CTPS2: variants seen among roughly 807,000 people sequenced by gnomAD.
CTPS2 encodes the protein CTP synthase II.
A neutral mutation model predicts 46.8 loss-of-function variants in CTPS2; 19 were observed. The observed-to-expected ratio is 0.41, with a 90% CI of 0.28 to 0.60. The LOEUF is 0.60. CTPS2 is among the 20% of genes least tolerant of loss of function. The pLI is 0.35. For missense variants in CTPS2, 286 were observed against 447.6 expected (o/e 0.64, Z 3.26); for synonymous variants, 151 against 165.2 (o/e 0.91, Z 0.66).
chrX:16,599,482 T>C (rs1482921683), intron 17 of CTPS2, among the ~76,000 whole-genome samples: 6 of 104,624 alleles, frequency 5.7e-5, no homozygotes, highest in Non-Finnish European at 7.8e-5. Context: ...TTTTCTTTTT[T>C]TTTTTTTTTT....
At chrX:16,659,665 A>T (rs1333354031) in intron 13 of CTPS2, among the ~76,000 whole-genome samples, 1 of 111,194 alleles carries the variant, frequency 9.0e-6, no homozygotes, top group Non-Finnish European at 1.9e-5. Context: ...GTACAACAAG[A>T]TGTTTTCATC....
intron 13 of CTPS2, chrX:16,650,205 T>C (rs998626710): frequency 8.9e-6 from 1 of 111,997 alleles, no homozygotes; most frequent in African/African-American, 3.2e-5. Flanking sequence ...GGCAACCAGG[T>C]TAGTGTGATT....
intron 1 of CTPS2, among the ~76,000 whole-genome samples, chrX:16,706,848 C>T (rs1258245730): frequency 4.7e-5 from 5 of 105,277 alleles, no homozygotes; most frequent in South Asian, 4.3e-4. Context: ...GTGACAAGAG[C>T]GAAACTCTGT....
chrX:16,664,102 C>T (rs1044232295), intron 13 of CTPS2, among the ~76,000 whole-genome samples: 2 of 112,042 alleles, frequency 1.8e-5, no homozygotes, highest in African/African-American at 6.5e-5. Context: ...TCCCAAAGTG[C>T]TGGGATTATA....
intron 17 of CTPS2, among the ~76,000 whole-genome samples, chrX:16,603,932 C>A (rs185847421): frequency 9.0e-6 from 1 of 111,395 alleles, no homozygotes; most frequent in Admixed American, 9.6e-5. Flanking sequence ...GAGGGAAGGG[C>A]TAAGCACAGA....
At chrX:16,664,273 G>C (rs1379469503) in intron 13 of CTPS2, among the ~76,000 whole-genome samples, 1 of 112,285 alleles carries the variant, frequency 8.9e-6, no homozygotes, top group Admixed American at 9.5e-5. Context: ...TCTTAGAAAA[G>C]AAAACCCATA....
Position 16,703,839 on chromosome X carries a change from A to G in CTPS2, c.-39-898T>C, listed in dbSNP as rs1252149343. 2.7e-5 allele frequency among the ~76,000 whole-genome samples: 3 copies of G among 111,568 alleles called. No homozygotes were observed. The Admixed American group carries it at 2.9e-4, about 11-fold the overall frequency. On this transcript the variant is annotated intron_variant, in intron 1 of 18. Transcript: ENST00000359276. ...GCAACAAACTTCATCATGATAAACC[A>G]AATTTCTCTAGGATTCACAGGCATG...
intron 14 of CTPS2, among the ~76,000 whole-genome samples, chrX:16,627,656 C>G (rs1439253855): frequency 8.9e-6 from 1 of 111,757 alleles, no homozygotes; most frequent in Non-Finnish European, 1.9e-5. Flanking sequence ...ATTTCTCACA[C>G]CTGCCTGTCT....
rs556298776 is a variant in CTPS2 at position 16,634,982 on chromosome X, T to C, written c.1393+4165A>G. 1.4e-4 allele frequency among the ~76,000 whole-genome samples: 15 copies of C among 109,476 alleles called. No individual in the cohort carries two copies. In the South Asian group the frequency reaches 5.1e-3, roughly 38 times the overall value. ...GAAAAAAAAAAAAAAAGGCTCACTCTAGTCATCCATCCACTGCGGCTATCA... is the reference window on the plus strand; with the variant it reads ...GAAAAAAAAAAAAAAAGGCTCACTCCAGTCATCCATCCACTGCGGCTATCA... On this transcript the variant is annotated intron_variant, in intron 14 of 18. Coordinates refer to ENST00000359276, the MANE Select transcript of CTPS2 (RefSeq NM_175859.3).
intron 8 of CTPS2, among the ~76,000 whole-genome samples, chrX:16,686,807 G>T (rs926140051): frequency 1.8e-5 from 2 of 111,563 alleles, no homozygotes; most frequent in African/African-American, 6.5e-5. Context: ...GGGAGGCTGA[G>T]GCAGGAGGAT....
chrX:16,687,412 C>T (rs753629900), intron 8 of CTPS2, among the ~76,000 whole-genome samples: 1 of 96,228 alleles, frequency 1.0e-5, no homozygotes, highest in Non-Finnish European at 2.0e-5. Flanking sequence ...GAGGTCGAGG[C>T]TGCAGTGAGC....
At chrX:16,621,960 G>A (rs1201993912) in intron 14 of CTPS2, among the ~76,000 whole-genome samples, 1 of 111,219 alleles carries the variant, frequency 9.0e-6, no homozygotes, top group African/African-American at 3.3e-5. Context: ...AGAAAAAAGG[G>A]GAATAGTGGG....
chrX:16,603,155 A>C (rs1394707948), intron 17 of CTPS2, among the ~76,000 whole-genome samples: 5 of 111,636 alleles, frequency 4.5e-5, no homozygotes, highest in Admixed American at 1.9e-4. Flanking sequence ...GGTGGCTCAC[A>C]CCTGTAATCC....
chrX:16,593,291 T>A (rs1929023029), intron 17 of CTPS2, among the ~76,000 whole-genome samples: 1 of 109,269 alleles, frequency 9.2e-6, no homozygotes. Flanking sequence ...TAGCCGGGTG[T>A]GGTGGCGGGC....
intron 13 of CTPS2, among the ~76,000 whole-genome samples, chrX:16,646,387 G>A (rs932439949): frequency 8.9e-5 from 10 of 112,442 alleles, no homozygotes; most frequent in Admixed American, 2.8e-4. Flanking sequence ...TAAGGAGGCC[G>A]TGGGAGTTGG....
At chrX:16,601,514 T>G (rs941623564) in intron 17 of CTPS2, among the ~76,000 whole-genome samples, 1 of 101,614 alleles carries the variant, frequency 9.8e-6, no homozygotes, top group African/African-American at 3.5e-5. Flanking sequence ...TTCAGGGAAC[T>G]GCAAGCTGTT....
intron 15 of CTPS2, among the ~76,000 whole-genome samples, chrX:16,617,646 C>T (rs1040271437): frequency 8.9e-6 from 1 of 112,153 alleles, no homozygotes; most frequent in African/African-American, 3.2e-5. Context: ...GTGACTAACC[C>T]CAATGCTTTC....
chrX:16,700,393 A>G (rs1171128324), intron 2 of CTPS2, among the ~76,000 whole-genome samples: 1 of 108,802 alleles, frequency 9.2e-6, no homozygotes, highest in Non-Finnish European at 1.9e-5. Context: ...CTGCGATTAC[A>G]GGCGTGAGCC....
intron 11 of CTPS2, among the ~76,000 whole-genome samples, chrX:16,668,105 T>C (rs1921351075): frequency 9.3e-6 from 1 of 107,127 alleles, no homozygotes; most frequent in African/African-American, 3.4e-5. Flanking sequence ...CTACTAAAAA[T>C]ACAAAAATTA....
Sources: gnomAD v4.1 joint callset for allele counts (sites outside exome capture counted in the v4.1 genomes callset) on GRCh38, gnomAD v4.1.1 for gene constraint, MANE v1.5 for transcripts, NCBI Gene and HGNC (gene_info 2026-07-23, HGNC 2026-07-21) for gene names.